The following PTCHD4 variants were observed in gnomAD, a reference collection of about 807,000 sequenced individuals.
The protein encoded by PTCHD4 is patched domain-containing protein 4.
Under a neutral mutation model 58.1 loss-of-function variants are expected in PTCHD4, and 33 were observed. The ratio of observed to expected loss-of-function variants is 0.57; its 90% confidence interval spans 0.43 to 0.76. The LOEUF is 0.76. PTCHD4 is among the 30% of genes least tolerant of loss of function. PTCHD4 has a pLI of 0.00. For synonymous variants in PTCHD4, 478 were observed against 409.6 expected (o/e 1.17, Z -2.02); for missense variants, 1,058 against 1,027.1 (o/e 1.03, Z -0.41).
chr6:48,045,896 T>A (rs1764020369), intron 3 of PTCHD4, among the ~76,000 whole-genome samples: 1 of 151,674 alleles, frequency 6.6e-6, no homozygotes, highest in African/African-American at 2.4e-5. Context: ...CACTGAAATG[T>A]TTGTTGAATA....
rs532420916 is a variant in PTCHD4 at position 48,005,502 on chromosome 6, G to GT, written c.898+3131dup. On this transcript the variant is annotated intron_variant, in intron 4 of 4. Coordinates refer to ENST00000339488, the MANE Select transcript of PTCHD4 (RefSeq NM_001384253.1). Reference sequence around the variant, plus strand: ...AAAAACTGGTTTCAACCATTATCGTGTATACCACCAGCAGATATATATGTG... The same window carrying GT: ...AAAAACTGGTTTCAACCATTATCGTGTTATACCACCAGCAGATATATATGTG... Among the ~76,000 whole-genome samples, 10 of 152,254 alleles carry GT rather than the reference G, an allele frequency of 6.6e-5. No individual in the cohort carries two copies. In the East Asian group the frequency reaches 1.7e-3, roughly 26 times the overall value.
chr6:48,066,359 A>T (rs1764796973), intron 3 of PTCHD4, among the ~76,000 whole-genome samples: 1 of 152,158 alleles, frequency 6.6e-6, no homozygotes, highest in African/African-American at 2.4e-5. Flanking sequence ...AAAATTTTAC[A>T]CCTGGAGGAT....
At chr6:47,986,645 T>C (rs866115063) in intron 4 of PTCHD4, among the ~76,000 whole-genome samples, 2 of 152,214 alleles carry the variant, frequency 1.3e-5, no homozygotes, top group Non-Finnish European at 2.9e-5. Flanking sequence ...ATCAAGTCAT[T>C]GAATCTATTC....
chr6:47,918,070 T>C (rs1011343831), intron 4 of PTCHD4, among the ~76,000 whole-genome samples: 10 of 152,092 alleles, frequency 6.6e-5, no homozygotes, highest in African/African-American at 2.4e-4. Flanking sequence ...TATCTTAGAC[T>C]CAACACAGAT....
intron 1 of PTCHD4, among the ~76,000 whole-genome samples, chr6:48,073,943 C>T (rs1422941851): frequency 6.6e-6 from 1 of 152,134 alleles, no homozygotes; most frequent in African/African-American, 2.4e-5. Context: ...GGATTCTTTG[C>T]CCTGTTCACC....
intron 4 of PTCHD4, among the ~76,000 whole-genome samples, chr6:47,945,476 C>T (rs757621825): frequency 3.3e-5 from 5 of 151,920 alleles, no homozygotes; most frequent in Non-Finnish European, 7.4e-5. Flanking sequence ...TTAAGCAAAT[C>T]ATTTTGTTTT....
chr6:48,043,349 A>T (rs1165899800), intron 3 of PTCHD4, among the ~76,000 whole-genome samples: 1 of 151,880 alleles, frequency 6.6e-6, no homozygotes, highest in South Asian at 2.1e-4. Context: ...TCTGAAACAT[A>T]CACCTCATAG....
rs201952278 is a variant in PTCHD4 at position 48,041,270 on chromosome 6, A to C, written c.417+26960T>G. The stretch of plus-strand genomic sequence containing the variant: ...CTGCTACCACCTCTTGTAGTTTCTG[A>C]CCATGTTCACTTTCCCTTACTTAGT... On this transcript the variant is annotated intron_variant, in intron 3 of 4. Transcript: ENST00000339488. Among the ~76,000 whole-genome samples the C allele has an allele frequency of 7.9e-5, 12 of 152,136 alleles. No individual in the cohort carries two copies. In the East Asian group the frequency reaches 1.5e-3, roughly 20 times the overall value.
chr6:47,869,151 C>T lies in PTCHD4; in HGVS notation c.*9152G>A, dbSNP rs1355729212. Among the ~76,000 whole-genome samples, 2 of 151,594 alleles carry T rather than the reference C, an allele frequency of 1.3e-5. No homozygotes were observed. Among genetic ancestry groups the T allele is most frequent in the Admixed American group, 6.6e-5 (1 of 15,186 alleles). On this transcript the variant is annotated 3_prime_UTR_variant, in exon 5 of 5. Coordinates refer to ENST00000339488, the MANE Select transcript of PTCHD4 (RefSeq NM_001384253.1). ...TATCTATGCGTTATGTATAATGCCACCACATTATTCATCAAAATACAGTGG... is the reference window on the plus strand; with the variant it reads ...TATCTATGCGTTATGTATAATGCCATCACATTATTCATCAAAATACAGTGG...
In PTCHD4 at chr6:47,878,288, A is replaced by G; in HGVS notation, c.*15T>C. 2 of 1,543,092 alleles carry G rather than the reference A, an allele frequency of 1.3e-6. No homozygotes were observed. Among genetic ancestry groups the G allele is most frequent in the Non-Finnish European group, 1.7e-6 (2 of 1,149,196 alleles). ...CAATACTGGAAAAGAAAAATAATCC[A>G]CTGGTCTATACCCCTCATACTGTGG... On this transcript the variant is annotated 3_prime_UTR_variant, in exon 5 of 5. Coordinates refer to ENST00000339488, the MANE Select transcript of PTCHD4 (RefSeq NM_001384253.1).
At chr6:47,983,812 A>T (rs1767971574) in intron 4 of PTCHD4, among the ~76,000 whole-genome samples, 1 of 152,218 alleles carries the variant, frequency 6.6e-6, no homozygotes, top group African/African-American at 2.4e-5. Flanking sequence ...GTAAAACAGG[A>T]TAATTCTAGA....
At position 47,860,499 on chromosome 6, in the gene PTCHD4, T is replaced by C. The variant is rs1763399152; in HGVS notation, c.*17804A>G. On this transcript the variant is annotated 3_prime_UTR_variant, in exon 5 of 5. Transcript: ENST00000339488. The stretch of plus-strand genomic sequence containing the variant: ...TCATTGCTTATCCCAACTTAGAGCT[T>C]ATACCTATACATCTGTAGATCTCTT... 6.6e-6 allele frequency among the ~76,000 whole-genome samples: 1 copy of C among 152,032 alleles called. No homozygotes were observed.
intron 1 of PTCHD4, among the ~76,000 whole-genome samples, chr6:48,101,348 G>A (rs992916065): frequency 6.6e-6 from 1 of 152,172 alleles, no homozygotes; most frequent in Non-Finnish European, 1.5e-5. Flanking sequence ...ACAGTTAGGA[G>A]TCTTTATTCT....
chr6:48,018,397 A>G (rs1044058131), intron 3 of PTCHD4, among the ~76,000 whole-genome samples: 2 of 152,206 alleles, frequency 1.3e-5, no homozygotes, highest in African/African-American at 4.8e-5. Flanking sequence ...AATCTGCCCC[A>G]AGAGAAAAAA....
intron 4 of PTCHD4, among the ~76,000 whole-genome samples, chr6:47,912,328 A>G (rs956176821): frequency 5.3e-5 from 8 of 151,006 alleles, no homozygotes; most frequent in African/African-American, 1.9e-4. Context: ...CTGAAATTAG[A>G]AAAACCTACA....
At chr6:48,103,876 T>C (rs1295304172) in intron 1 of PTCHD4, among the ~76,000 whole-genome samples, 1 of 151,696 alleles carries the variant, frequency 6.6e-6, no homozygotes, top group African/African-American at 2.4e-5. Flanking sequence ...ATGAATGAAA[T>C]GAAGTGTGAA....
chr6:48,102,808 C>T (rs1765635595), intron 1 of PTCHD4, among the ~76,000 whole-genome samples: 1 of 152,196 alleles, frequency 6.6e-6, no homozygotes, highest in African/African-American at 2.4e-5. Flanking sequence ...GAGATTACAT[C>T]CCGCACATGG....
At chr6:47,905,402 T>A (rs1481501722) in intron 4 of PTCHD4, among the ~76,000 whole-genome samples, 1 of 152,148 alleles carries the variant, frequency 6.6e-6, no homozygotes, top group Non-Finnish European at 1.5e-5. Context: ...GGGTCTATGG[T>A]TTAATTCAGC....
At chr6:47,958,610 G>A (rs781461632) in intron 4 of PTCHD4, among the ~76,000 whole-genome samples, 1 of 152,200 alleles carries the variant, frequency 6.6e-6, no homozygotes. Flanking sequence ...AGTGGATAGA[G>A]CTCACAGAAT....
Sources: gnomAD v4.1 joint callset for allele counts (sites outside exome capture counted in the v4.1 genomes callset) on GRCh38, gnomAD v4.1.1 for gene constraint, MANE v1.5 for transcripts, NCBI Gene and HGNC (gene_info 2026-07-23, HGNC 2026-07-21) for gene names.